The following GRIK2 variants were observed in gnomAD, a reference collection of about 807,000 sequenced individuals.
GRIK2 encodes the protein glutamate ionotropic receptor kainate type subunit 2, also known as glutamate receptor ionotropic, kainate 2.
Under a neutral mutation model 100.3 loss-of-function variants are expected in GRIK2, and 32 were observed. That is an observed-to-expected ratio of 0.32 (90% CI 0.24 to 0.43). GRIK2 has a LOEUF of 0.43. GRIK2 is among the 20% of genes least tolerant of loss of function. The pLI, the probability that GRIK2 is intolerant of heterozygous loss-of-function variation, is 1.00. For synonymous variants in GRIK2, 417 were observed against 389.4 expected (o/e 1.07, Z -0.83); for missense variants, 843 against 1,114.9 (o/e 0.76, Z 3.47).
intron 4 of GRIK2, among the ~76,000 whole-genome samples, chr6:101,632,726 A>T (rs1439456557): frequency 6.6e-6 from 1 of 152,086 alleles, no homozygotes; most frequent in African/African-American, 2.4e-5. Flanking sequence ...AGAGGGGACA[A>T]GAATTATAGA....
intron 7 of GRIK2, among the ~76,000 whole-genome samples, chr6:101,787,944 C>G (rs1034076486): frequency 6.6e-6 from 1 of 151,986 alleles, no homozygotes; most frequent in African/African-American, 2.4e-5. Context: ...CTCTTTAGAT[C>G]AAATAAAATT....
At chr6:102,003,273 C>A (rs1795043304) in intron 14 of GRIK2, among the ~76,000 whole-genome samples, 1 of 151,322 alleles carries the variant, frequency 6.6e-6, no homozygotes, top group African/African-American at 2.4e-5. Flanking sequence ...AATGGAATTG[C>A]ACACATATAC....
intron 14 of GRIK2, among the ~76,000 whole-genome samples, chr6:101,997,751 AT>A (rs200720679): frequency 1.3e-5 from 2 of 151,564 alleles, no homozygotes; most frequent in African/African-American, 2.4e-5. Flanking sequence ...CATTCTATTG[AT>A]TTTTTTTCTA....
intron 7 of GRIK2, among the ~76,000 whole-genome samples, chr6:101,716,438 C>T (rs1342024147): frequency 1.3e-5 from 2 of 151,444 alleles, no homozygotes; most frequent in Non-Finnish European, 3.0e-5. Context: ...TTCCAACCAT[C>T]CTGGAGTAGC....
intron 10 of GRIK2, among the ~76,000 whole-genome samples, chr6:101,857,020 C>T (rs1784458895): frequency 6.6e-6 from 1 of 151,962 alleles, no homozygotes; most frequent in Non-Finnish European, 1.5e-5. Context: ...AACTTTTGAA[C>T]CAGATTTCAT....
intron 9 of GRIK2, among the ~76,000 whole-genome samples, chr6:101,807,206 C>T (rs9498716): frequency 1.3e-5 from 2 of 151,860 alleles, no homozygotes; most frequent in African/African-American, 4.8e-5. Context: ...GTCAAGGGAT[C>T]AGTGGGTTGG....
At chr6:101,568,397 G>A (rs915889940) in intron 2 of GRIK2, among the ~76,000 whole-genome samples, 1 of 151,992 alleles carries the variant, frequency 6.6e-6, no homozygotes, top group Non-Finnish European at 1.5e-5. Flanking sequence ...AATCTGATGA[G>A]TGAGAAATGC....
chr6:101,453,481 T>G (rs1770824871), intron 2 of GRIK2, among the ~76,000 whole-genome samples: 1 of 152,002 alleles, frequency 6.6e-6, no homozygotes, highest in Non-Finnish European at 1.5e-5. Flanking sequence ...TATGCTCTTA[T>G]TACGGTTTAG....
intron 7 of GRIK2, among the ~76,000 whole-genome samples, chr6:101,722,696 G>A (rs1477384567): frequency 6.6e-6 from 1 of 152,038 alleles, no homozygotes; most frequent in Non-Finnish European, 1.5e-5. Flanking sequence ...ATGTGTTTTT[G>A]TTAGGCAAGA....
chr6:101,700,023 G>A (rs1390651209), intron 7 of GRIK2, among the ~76,000 whole-genome samples: 3 of 151,954 alleles, frequency 2.0e-5, no homozygotes, highest in Admixed American at 6.6e-5. Context: ...AGTTTCACAC[G>A]CATGTAGTCC....
At position 101,891,516 on chromosome 6, in the gene GRIK2, CAAAAAAAAA is replaced by C. The variant is rs5878701; in HGVS notation, c.1748+1666_1748+1674del. The C allele has an allele frequency of 5.0e-3, 991 of 198,312 alleles. 3 individuals carry two copies. Among genetic ancestry groups the C allele is most frequent in the Non-Finnish European group, 5.8e-3 (637 of 109,264 alleles). 12.3% of individuals were successfully genotyped at this position (198,312 alleles called of 1,614,324 possible). ...TGGGAGATATAGCAGGACTCCATCTCAAAAAAAAAAAAAAAAAAAAAGGTGGATTATATT... is the reference window on the plus strand; with the variant it reads ...TGGGAGATATAGCAGGACTCCATCTCAAAAAAAAAAAAGGTGGATTATATT... On this transcript the variant is annotated intron_variant, in intron 12 of 16. Coordinates refer to ENST00000369134, the MANE Select transcript of GRIK2 (RefSeq NM_021956.5).
chr6:101,427,592 T>C (rs1378407455), intron 2 of GRIK2, among the ~76,000 whole-genome samples: 21 of 152,224 alleles, frequency 1.4e-4, no homozygotes, highest in Admixed American at 1.4e-3. Context: ...ATTATTTTTC[T>C]AGCAAAGAAT....
chr6:101,572,053 G>A (rs2128299282), intron 2 of GRIK2, among the ~76,000 whole-genome samples: 1 of 152,018 alleles, frequency 6.6e-6, no homozygotes, highest in Middle Eastern at 3.4e-3. Context: ...TTATTTTTGT[G>A]ATTCTCAACA....
chr6:101,856,963 A>G (rs141145999), intron 10 of GRIK2, among the ~76,000 whole-genome samples: 1,893 of 152,324 alleles, frequency 0.012, 39 homozygotes, highest in African/African-American at 0.043. Context: ...ATTACCATCC[A>G]GTAGTCAAAT....
At chr6:101,953,146 C>A (rs745768845) in intron 14 of GRIK2, among the ~76,000 whole-genome samples, 1 of 152,060 alleles carries the variant, frequency 6.6e-6, no homozygotes, top group Non-Finnish European at 1.5e-5. Context: ...ATTGATATAA[C>A]AAATTTTATT....
intron 2 of GRIK2, among the ~76,000 whole-genome samples, chr6:101,483,014 A>T (rs1772616006): frequency 1.3e-5 from 2 of 152,224 alleles, no homozygotes; most frequent in Non-Finnish European, 2.9e-5. Context: ...ATTTGTATTC[A>T]ATGTGTACTT....
intron 14 of GRIK2, among the ~76,000 whole-genome samples, chr6:101,975,543 C>A (rs1451562084): frequency 6.6e-6 from 1 of 151,828 alleles, no homozygotes; most frequent in African/African-American, 2.4e-5. Context: ...AAAGAGGAAT[C>A]CATTGGACTT....
chr6:101,602,870 T>A (rs1188782901), intron 2 of GRIK2, among the ~76,000 whole-genome samples: 2 of 151,766 alleles, frequency 1.3e-5, no homozygotes, highest in Non-Finnish European at 2.9e-5. Flanking sequence ...TTTATTTGAA[T>A]TGTTGAGTGA....
intron 14 of GRIK2, among the ~76,000 whole-genome samples, chr6:101,986,302 G>T (rs1794011454): frequency 4.0e-5 from 6 of 151,814 alleles, no homozygotes; most frequent in Admixed American, 3.3e-4. Context: ...TATTCTTAAA[G>T]TATTCTTTTA....
Sources: allele counts gnomAD v4.1 joint callset (sites outside exome capture counted in the v4.1 genomes callset), GRCh38; gene constraint gnomAD v4.1.1; transcripts MANE v1.5; gene names NCBI Gene and HGNC (gene_info 2026-07-23, HGNC 2026-07-21).